The following TLK2 variants were observed in gnomAD, a reference collection of about 807,000 sequenced individuals.
The protein encoded by TLK2 is tousled like kinase 2.
A neutral mutation model predicts 117.3 loss-of-function variants in TLK2; 6 were observed. The observed-to-expected ratio is 0.05, with a 90% confidence interval of 0.03 to 0.10. The LOEUF (loss-of-function observed/expected upper bound fraction) is 0.10. TLK2 is among the 10% of genes least tolerant of loss of function. The pLI is 1.00. For synonymous variants in TLK2, 257 were observed against 316.7 expected, an observed-to-expected ratio of 0.81 and a Z score of 2.00; for missense variants, 299 against 901.2, an observed-to-expected ratio of 0.33 and a Z score of 8.56.
At chr17:62,517,858 C>T (rs956401484) in intron 2 of TLK2, among the ~76,000 whole-genome samples, 2 of 152,070 alleles carry the variant, frequency 1.3e-5, no homozygotes, top group East Asian at 1.9e-4. Context: ...CCATCCCGCC[C>T]GACTATGTTT....
At chr17:62,533,079 G>A (rs2076852010) in intron 6 of TLK2, among the ~76,000 whole-genome samples, 1 of 151,734 alleles carries the variant, frequency 6.6e-6, no homozygotes, top group Admixed American at 6.6e-5. Flanking sequence ...TTTAATGCTT[G>A]TTCAGGTCCT....
upstream of TLK2, among the ~76,000 whole-genome samples, chr17:62,474,950 G>A (rs17399882): frequency 4.6e-5 from 7 of 151,776 alleles, no homozygotes; most frequent in Admixed American, 6.6e-5. Context: ...ACAGGTGCAC[G>A]CCACTATGCT....
intron 20 of TLK2, among the ~76,000 whole-genome samples, chr17:62,607,455 G>A (rs2083395740): frequency 6.6e-6 from 1 of 151,960 alleles, no homozygotes; most frequent in African/African-American, 2.4e-5. Flanking sequence ...CATGAACCCG[G>A]GAGGCAGAGC....
intron 13 of TLK2, 92 bp from the exon 14 acceptor site, chr17:62,578,385 A>G (rs1308165722): frequency 2.0e-6 from 2 of 977,610 alleles, no homozygotes; most frequent in South Asian, 1.4e-5. Context: ...TTAGCCTTTC[A>G]TAAGATAAAT....
chr17:62,479,297 G>T lies in TLK2; in HGVS notation c.-6+7G>T. On this transcript the variant is annotated splice_region_variant and intron_variant, in intron 1 of 21. Coordinates refer to ENST00000346027, the MANE Select transcript of TLK2 (RefSeq NM_006852.6). ...GCGGCGGCGGCGGCGGCAGGTGAGA[G>T]GCTGAGCCCCGGGCGGGGGAGGACT... 1 of 164,720 alleles carries T rather than the reference G, an allele frequency of 6.1e-6. No homozygotes were observed. The highest frequency in any genetic ancestry group is 1.3e-5 in the Non-Finnish European group (1 of 77,948). 10.2% of individuals were successfully genotyped at this position (164,720 alleles called of 1,614,324 possible). A position where few individuals can be genotyped will look rare whatever the true frequency, so the allele number is the denominator to read the frequency against.
chr17:62,506,480 A>G (rs1333069445), intron 2 of TLK2, among the ~76,000 whole-genome samples: 2 of 152,192 alleles, frequency 1.3e-5, no homozygotes, highest in Non-Finnish European at 2.9e-5. Context: ...GAATTTTGTT[A>G]TACAGTTTCT....
chr17:62,539,474 T>TC (rs1567877152), intron 7 of TLK2, among the ~76,000 whole-genome samples: 3 of 119,950 alleles, frequency 2.5e-5, no homozygotes, highest in Admixed American at 8.2e-5. Flanking sequence ...CCTCCCTCTC[T>TC]TTTTTTTTTT....
At chr17:62,584,107 G>GTTTTTTTTTTTTTTTT (rs572000997) in intron 15 of TLK2, among the ~76,000 whole-genome samples, 4 of 78,530 alleles carry the variant, frequency 5.1e-5, no homozygotes, top group Non-Finnish European at 9.1e-5. Context: ...TTCTTTTGTG[G>GTTTTTTTTTTTTTTTT]TTTTTTTTTT....
In TLK2 at chr17:62,479,156, G is replaced by T. The variant is rs1476606361; in HGVS notation, c.-140G>T. 2.0e-5 allele frequency: 3 copies of T among 150,920 alleles called. No homozygotes were observed. Among genetic ancestry groups the T allele is most frequent in the South Asian group, 3.8e-4 (2 of 5,306 alleles). 9.3% of individuals were successfully genotyped at this position (150,920 alleles called of 1,614,324 possible). On this transcript the variant is annotated 5_prime_UTR_variant, in exon 1 of 22. Transcript: ENST00000346027. ...CGGCGCCGGCGGCGGCTGCCCGGGC[G>T]GGGGGTTGCGGCGCTCAGGAGAGGC...
At chr17:62,516,018 G>A (rs2075554178) in intron 2 of TLK2, among the ~76,000 whole-genome samples, 2 of 151,794 alleles carry the variant, frequency 1.3e-5, no homozygotes, top group Non-Finnish European at 2.9e-5. Flanking sequence ...TCCTCCTCCC[G>A]GGTTCAAGTG....
At chr17:62,572,660 C>T (rs1193263907) in intron 11 of TLK2, among the ~76,000 whole-genome samples, 1 of 152,138 alleles carries the variant, frequency 6.6e-6, no homozygotes, top group African/African-American at 2.4e-5. Flanking sequence ...ATCTAGGTGT[C>T]ACTGTATCAG....
At chr17:62,479,719 G>C (rs971798465) in intron 1 of TLK2, among the ~76,000 whole-genome samples, 4 of 152,258 alleles carry the variant, frequency 2.6e-5, no homozygotes, top group Admixed American at 6.5e-5. Context: ...CCCAGTCCAA[G>C]GCCCCGCTGG....
chr17:62,530,568 C>T (rs2076676296), intron 6 of TLK2, among the ~76,000 whole-genome samples: 1 of 152,202 alleles, frequency 6.6e-6, no homozygotes, highest in South Asian at 2.1e-4. Flanking sequence ...GTCCCCAGAA[C>T]ACTGTTTACT....
At chr17:62,580,269 C>A in intron 15 of TLK2, 77 bp downstream of exon 15, 1 of 1,075,860 alleles carries the variant, frequency 9.3e-7, no homozygotes, top group Non-Finnish European at 1.4e-6. Flanking sequence ...ATTAAGAATA[C>A]TGATAATTGT....
At chr17:62,563,664 T>G (rs1193663037) in intron 10 of TLK2, among the ~76,000 whole-genome samples, 2 of 152,196 alleles carry the variant, frequency 1.3e-5, no homozygotes, top group Non-Finnish European at 2.9e-5. Flanking sequence ...TTACCGCGTC[T>G]GTACTTAGAA....
intron 6 of TLK2, among the ~76,000 whole-genome samples, chr17:62,524,749 G>A (rs980698069): frequency 6.6e-6 from 1 of 152,196 alleles, no homozygotes; most frequent in Admixed American, 6.5e-5. Flanking sequence ...GCAGATTTGT[G>A]ATAGGTATGT....
intron 2 of TLK2, among the ~76,000 whole-genome samples, chr17:62,494,816 A>G (rs1170566197): frequency 6.6e-6 from 1 of 152,218 alleles, no homozygotes; most frequent in African/African-American, 2.4e-5. Flanking sequence ...TGATCCCAGA[A>G]TAAGGGAGTA....
rs57738056 is a variant in TLK2, at chr17:62,500,443, C to T, written c.81+19237C>T. Among the ~76,000 whole-genome samples, 230 of 152,172 alleles carry T rather than the reference C, an allele frequency of 1.5e-3. 2 individuals are homozygous for T. The highest frequency in any genetic ancestry group is 3.6e-3 in the African/African-American group (150 of 41,524). On this transcript the variant is annotated intron_variant, in intron 2 of 21. Coordinates refer to ENST00000346027, the MANE Select transcript of TLK2 (RefSeq NM_006852.6). ...GGATCAATTTTTTGAGAAGACACAGCGGTCCTAAATGTATATGCATCCAGT... is the reference window on the plus strand; with the variant it reads ...GGATCAATTTTTTGAGAAGACACAGTGGTCCTAAATGTATATGCATCCAGT...
At chr17:62,607,668 C>G (rs1030904269) in intron 20 of TLK2, among the ~76,000 whole-genome samples, 2 of 151,952 alleles carry the variant, frequency 1.3e-5, no homozygotes, top group Non-Finnish European at 2.9e-5. Context: ...TTGAGTTGGC[C>G]TGAGGCACAG....
Sources: gnomAD v4.1 joint callset for allele counts (sites outside exome capture counted in the v4.1 genomes callset) on GRCh38, gnomAD v4.1.1 for gene constraint, MANE v1.5 for transcripts, NCBI Gene and HGNC (gene_info 2026-07-23, HGNC 2026-07-21) for gene names.